ZFAT: variants seen among roughly 807,000 people sequenced by gnomAD.
ZFAT encodes zinc finger protein ZFAT.
Under a neutral mutation model 117.7 loss-of-function variants are expected in ZFAT, and 64 were observed. That is an observed-to-expected ratio of 0.54 (90% CI 0.44 to 0.67). The LOEUF (loss-of-function observed/expected upper bound fraction) is 0.67. Ranked by LOEUF, ZFAT falls within the 30% of genes least tolerant of loss-of-function variation. The pLI is 0.00. For synonymous variants in ZFAT, 679 were observed against 615.0 expected (o/e 1.10, Z -1.54); for missense variants, 1,433 against 1,584.5 (o/e 0.90, Z 1.62).
At chr8:134,805,173 GGTAA>G in the ZFAT span, among the ~76,000 whole-genome samples, 1 of 152,076 alleles carries the variant, frequency 6.6e-6, no homozygotes, top group Non-Finnish European at 1.5e-5. Context: ...AATTTATCTT[GGTAA>G]GTATGAAACA....
the ZFAT span, among the ~76,000 whole-genome samples, chr8:134,787,824 A>G: frequency 6.6e-6 from 1 of 152,158 alleles, no homozygotes; most frequent in Non-Finnish European, 1.5e-5. Context: ...TGCTTAAATG[A>G]TTGGAAAATT....
intron 11 of ZFAT, among the ~76,000 whole-genome samples, chr8:134,549,184 G>A (rs1398277739): frequency 6.6e-6 from 1 of 152,128 alleles, no homozygotes; most frequent in Non-Finnish European, 1.5e-5. Flanking sequence ...GCTCATATCT[G>A]TAATCCCAGC....
intron 2 of ZFAT, among the ~76,000 whole-genome samples, chr8:134,656,766 G>A (rs192414662): frequency 6.6e-6 from 1 of 152,332 alleles, no homozygotes; most frequent in Non-Finnish European, 1.5e-5. Flanking sequence ...CAGGTGCCCA[G>A]CTGCTGTCCT....
rs1237749106 is a variant in ZFAT at position 134,602,870 on chromosome 8, C to T, written c.849G>A (p.Lys283=). The change falls in exon 6 of 16, where the codon AAG becomes AAA. Residue 283 remains lysine, a synonymous_variant. Coordinates refer to ENST00000377838, the MANE Select transcript of ZFAT (RefSeq NM_020863.4). ...TCCTCAGGTGGGCCTGCAGCGAGTG[C>T]TTGAACTTGAAGACCTTGTTGCAGT... The part of the protein sequence containing the change: ...CEYCNKVFKF[K]HSLQAHLRIH... 6.2e-7 allele frequency: 1 copy of T among 1,609,886 alleles called. No individual in the cohort carries two copies. The highest frequency in any genetic ancestry group is 8.5e-7 in the Non-Finnish European group (1 of 1,178,326).
chr8:134,566,019 ACT>A (rs933789922), intron 10 of ZFAT, among the ~76,000 whole-genome samples: 3 of 151,826 alleles, frequency 2.0e-5, no homozygotes, highest in Admixed American at 6.6e-5. Flanking sequence ...AGAACTCCTA[ACT>A]CTGTTTGGAG....
At chr8:134,608,915 G>A in intron 4 of ZFAT, 36 bp from the exon 5 acceptor site, 5 of 1,586,964 alleles carry the variant, frequency 3.2e-6, no homozygotes, top group Non-Finnish European at 4.3e-6. Context: ...TTATTGAGAG[G>A]CATCGAAAGT....
intron 13 of ZFAT, among the ~76,000 whole-genome samples, chr8:134,514,971 C>A (rs563131166): frequency 2.6e-5 from 4 of 152,162 alleles, no homozygotes; most frequent in African/African-American, 9.7e-5. Context: ...CCCTCCACCC[C>A]CAACAGGCCC....
chr8:134,631,172 C>T (rs1016623215), intron 3 of ZFAT, among the ~76,000 whole-genome samples: 2 of 152,226 alleles, frequency 1.3e-5, no homozygotes, highest in African/African-American at 4.8e-5. Context: ...TTCTCTACTG[C>T]TATTCCTGGA....
At chr8:134,659,155 G>A (rs999221235) in intron 1 of ZFAT, among the ~76,000 whole-genome samples, 11 of 152,180 alleles carry the variant, frequency 7.2e-5, no homozygotes, top group African/African-American at 2.4e-4. Flanking sequence ...CAAGCTCTGC[G>A]CTCTCTGGTG....
chr8:134,683,800 A>C (rs1040056084), intron 1 of ZFAT, among the ~76,000 whole-genome samples: 3 of 152,082 alleles, frequency 2.0e-5, no homozygotes, highest in African/African-American at 4.8e-5. Context: ...GGCACTTAGA[A>C]AGCCTGCTCT....
intron 7 of ZFAT, 150 bp from the exon 8 acceptor site, chr8:134,590,505 C>T: frequency 1.6e-6 from 1 of 614,688 alleles, no homozygotes. Flanking sequence ...CATCACATCA[C>T]CATCATCAAT....
chr8:134,712,142 G>C (rs531030286), intron 1 of ZFAT, among the ~76,000 whole-genome samples: 1 of 152,326 alleles, frequency 6.6e-6, no homozygotes, highest in Admixed American at 6.5e-5. Flanking sequence ...CAGGAGTTTG[G>C]ATTTTAGCCC....
intron 1 of ZFAT, among the ~76,000 whole-genome samples, chr8:134,661,611 T>G (rs995494935): frequency 1.3e-5 from 2 of 150,940 alleles, no homozygotes; most frequent in Non-Finnish European, 3.0e-5. Context: ...AAGGAAGGAG[T>G]ACATTGGCCC....
chr8:134,626,306 T>C (rs1384538279), intron 3 of ZFAT, among the ~76,000 whole-genome samples: 4 of 152,198 alleles, frequency 2.6e-5, no homozygotes, highest in African/African-American at 9.7e-5. Flanking sequence ...CCCTGAAGAC[T>C]GATGGATCCA....
chr8:134,600,382 G>C (rs375377924), intron 7 of ZFAT, 54 bp downstream of exon 7: 1 of 1,492,010 alleles, frequency 6.7e-7, no homozygotes, highest in Non-Finnish European at 9.4e-7. Flanking sequence ...ATAAACTTGA[G>C]AAAGCAATGA....
chr8:134,588,176 T>G (rs1042434332), intron 9 of ZFAT, 70 bp downstream of exon 9: 32 of 1,486,188 alleles, frequency 2.2e-5, no homozygotes, highest in Non-Finnish European at 2.9e-5. Flanking sequence ...TTCCTCTTAA[T>G]GTACTCCCAA....
At chr8:134,640,744 T>A (rs1177067340) in intron 2 of ZFAT, among the ~76,000 whole-genome samples, 7 of 152,158 alleles carry the variant, frequency 4.6e-5, no homozygotes, top group Non-Finnish European at 5.9e-5. Context: ...CATCCATAAT[T>A]CAGATCCTCA....
At chr8:134,794,293 C>CA in the ZFAT span, 1 of 152,182 alleles carries the variant, frequency 6.6e-6, no homozygotes, top group East Asian at 1.9e-4. Context: ...GACTGAGAAA[C>CA]AAGTAAAACA....
At chr8:134,642,274 C>G (rs1017123771) in intron 2 of ZFAT, among the ~76,000 whole-genome samples, 5 of 152,206 alleles carry the variant, frequency 3.3e-5, no homozygotes, top group African/African-American at 1.2e-4. Flanking sequence ...GCACTACACA[C>G]TTTAATAGAG....
Sources: gnomAD v4.1 joint callset for allele counts (sites outside exome capture counted in the v4.1 genomes callset) on GRCh38, gnomAD v4.1.1 for gene constraint, MANE v1.5 for transcripts, NCBI Gene and HGNC (gene_info 2026-07-23, HGNC 2026-07-21) for gene names.